The following CLEC18B variants were observed in gnomAD, a reference collection of about 807,000 sequenced individuals.
CLEC18B encodes the protein mannose receptor-like 2.
A neutral mutation model predicts 60.4 loss-of-function variants in CLEC18B; 5 were observed. The observed-to-expected ratio is 0.08, with a 90% confidence interval of 0.04 to 0.17. CLEC18B has a LOEUF of 0.17. Ranked by LOEUF, CLEC18B falls within the 10% of genes least tolerant of loss-of-function variation. The pLI is 1.00. For synonymous variants in CLEC18B, 16 were observed against 221.2 expected, an observed-to-expected ratio of 0.07 and a Z score of 8.23; for missense variants, 26 against 572.8, an observed-to-expected ratio of 0.05 and a Z score of 9.74.
At position 74,418,143 on chromosome 16, in the gene CLEC18B, G is replaced by T; in HGVS notation, c.372C>A (p.Val124=). 1 of 1,514,946 alleles carries T rather than the reference G, an allele frequency of 6.6e-7. No homozygotes were observed. Among genetic ancestry groups the T allele is most frequent in the South Asian group, 1.1e-5 (1 of 87,318 alleles). 93.8% of individuals were successfully genotyped at this position (1,514,946 alleles called of 1,614,324 possible). The change falls in exon 3 of 12, where the codon GTC becomes GTA. Residue 124 remains valine (V), a synonymous_variant. Transcript: ENST00000682950. ...GCTGCCCCTCTGCAAACCACAGGCT[G>T]ACCACTTCAACAAAGGACGCCAAGC... is the stretch of plus-strand genomic sequence containing the variant. ...PAGLASFVEV[V]SLWFAEGQRY...
chr16:74,421,412 A>G lies in CLEC18B; in HGVS notation c.-142T>C, dbSNP rs3851724. The G allele has an allele frequency of 6.0e-4, 956 of 1,583,942 alleles. 9 individuals carry two copies. In the African/African-American group the frequency reaches 0.012, roughly 20 times the overall value. On this transcript the variant is annotated 5_prime_UTR_variant, in exon 1 of 12. Coordinates refer to ENST00000682950, the MANE Select transcript of CLEC18B (RefSeq NM_001385193.1). ...AAAGAGGGGGGCTGGTGAACAAAAGAAGGAGGCTGGTGAGTGAGTAATCAG... is the reference window on the plus strand; with the variant it reads ...AAAGAGGGGGGCTGGTGAACAAAAGGAGGAGGCTGGTGAGTGAGTAATCAG...
At chr16:74,421,982 AG>A (rs2013706585), upstream of CLEC18B, 1 of 136,914 alleles carries the variant, frequency 7.3e-6, no homozygotes, top group Non-Finnish European at 1.6e-5. Context: ...GGCTGGGCCC[AG>A]CCCCGGTGCC....
chr16:74,422,610 C>A (rs1457489249), upstream of CLEC18B, among the ~76,000 whole-genome samples: 7 of 148,064 alleles, frequency 4.7e-5, no homozygotes, highest in Non-Finnish European at 1.0e-4. Context: ...AGAAACCCAG[C>A]ACCCTCAGGG....
intron 3 of CLEC18B, among the ~76,000 whole-genome samples, chr16:74,413,934 C>G (rs1302432208): frequency 6.6e-6 from 1 of 152,298 alleles, no homozygotes; most frequent in East Asian, 1.9e-4. Context: ...GTGCAATGGC[C>G]TGATCTTGGC....
At chr16:74,418,805 T>C (rs1322955853) in intron 2 of CLEC18B, among the ~76,000 whole-genome samples, 5 of 148,762 alleles carry the variant, frequency 3.4e-5, no homozygotes, top group African/African-American at 1.0e-4. Context: ...TCTTCTTTTT[T>C]TTTTTTGAGA....
intron 11 of CLEC18B, 29 bp from the exon 12 acceptor site, chr16:74,409,072 CGATGGCAGCCCAGGCAGTCCCAA>C: frequency 4.6e-6 from 7 of 1,514,290 alleles, no homozygotes; most frequent in African/African-American, 1.4e-5. Context: ...GAGCAGGGCT[CGATGGCAGCCCAGGCAGTCCCAA>C]GATGGCAGCC....
upstream of CLEC18B, chr16:74,422,420 G>A (rs2013720918): frequency 6.6e-6 from 1 of 151,794 alleles, no homozygotes; most frequent in African/African-American, 2.4e-5. Flanking sequence ...TTCCAACTCC[G>A]TGGAAGCTCT....
chr16:74,420,628 TG>T, intron 1 of CLEC18B, 36 bp from the exon 2 acceptor site: 2 of 717,054 alleles, frequency 2.8e-6, no homozygotes, highest in Non-Finnish European at 4.6e-6. Context: ...AGCCCGAGGA[TG>T]GGGGGACCTG....
At chr16:74,423,827 G>A (rs540476944), upstream of CLEC18B, among the ~76,000 whole-genome samples, 8 of 152,336 alleles carry the variant, frequency 5.3e-5, no homozygotes, top group African/African-American at 1.4e-4. Flanking sequence ...TGACCCTGAG[G>A]ATGGCACTCC....
chr16:74,413,100 A>G lies in CLEC18B; in HGVS notation c.613T>C (p.Ser205Pro). 1 of 1,612,104 alleles carries G rather than the reference A, an allele frequency of 6.2e-7. No homozygotes were observed. Among genetic ancestry groups the G allele is most frequent in the Non-Finnish European group, 8.5e-7 (1 of 1,179,864 alleles). The change falls in exon 5 of 12, where the codon TCG becomes CCG. Residue 205 changes from serine (S) to proline (P), a missense_variant. Coordinates refer to ENST00000682950, the MANE Select transcript of CLEC18B (RefSeq NM_001385193.1). ...IIPYKKGAWC[S>P]LCTASVSGCF... is the part of the protein sequence containing the mutation. ...CCTGAGACACTGGCTGTGCAGAGCG[A>G]ACACCAGGCACCCTTCTTATAGGGG...
upstream of CLEC18B, among the ~76,000 whole-genome samples, chr16:74,424,010 CAAGGCAGCT>C (rs1420842923): frequency 2.0e-5 from 3 of 152,248 alleles, no homozygotes; most frequent in Non-Finnish European, 2.9e-5. Flanking sequence ...CTCATTCTTG[CAAGGCAGCT>C]TTCCCCAGGT....
upstream of CLEC18B, among the ~76,000 whole-genome samples, chr16:74,423,570 T>G (rs1175254651): frequency 6.6e-6 from 1 of 152,222 alleles, no homozygotes. Context: ...GTGCCTGTAG[T>G]CCCAGCTACT....
chr16:74,424,180 A>AG (rs1361128343), upstream of CLEC18B, among the ~76,000 whole-genome samples: 3 of 150,276 alleles, frequency 2.0e-5, no homozygotes, highest in Non-Finnish European at 4.4e-5. Flanking sequence ...TGAAGGTTAT[A>AG]GCGTTCGAGT....
intron 2 of CLEC18B, among the ~76,000 whole-genome samples, chr16:74,418,671 C>T (rs1246235999): frequency 3.3e-5 from 5 of 152,298 alleles, no homozygotes; most frequent in South Asian, 4.1e-4. Context: ...TGCTCCCACC[C>T]GGCCATGCTG....
At chr16:74,422,828 AATT>A (rs1434814046), upstream of CLEC18B, among the ~76,000 whole-genome samples, 6 of 151,860 alleles carry the variant, frequency 4.0e-5, no homozygotes, top group Admixed American at 2.6e-4. Context: ...ATGCCTGGCT[AATT>A]ATTATTATTT....
intron 3 of CLEC18B, among the ~76,000 whole-genome samples, chr16:74,413,913 C>T (rs1229940359): frequency 6.6e-6 from 1 of 152,226 alleles, no homozygotes; most frequent in East Asian, 1.9e-4. Flanking sequence ...GCTCTTGTTG[C>T]CCAGGCTGGA....
chr16:74,421,009 G>A lies in CLEC18B; in HGVS notation c.124+138C>T, dbSNP rs965559875. On this transcript the variant is annotated intron_variant, in intron 1 of 11. Transcript: ENST00000682950. ...ATCCACCCCTCACCGCCCCCGGGCT[G>A]TCCCAGGGCTTCCTCATTAAACCAC... 13 of 1,279,050 alleles carry A rather than the reference G, an allele frequency of 1.0e-5. No individual in the cohort carries two copies. In the African/African-American group the frequency reaches 2.1e-4, roughly 21 times the overall value. The allele number at this position is 1,279,050 out of a possible 1,614,324, so 79.2% of individuals were successfully genotyped here. A position where few individuals can be genotyped will look rare whatever the true frequency, so the allele number is the denominator to read the frequency against.
At chr16:74,417,016 C>T (rs2013444533) in intron 3 of CLEC18B, among the ~76,000 whole-genome samples, 1 of 151,884 alleles carries the variant, frequency 6.6e-6, no homozygotes, top group Non-Finnish European at 1.5e-5. Context: ...GTAATCCCAG[C>T]ACTTTGGGAG....
Position 74,413,616 on chromosome 16 carries a change from T to A in CLEC18B, c.517A>T (p.Thr173Ser). The change falls in exon 4 of 12, where the codon ACA becomes TCA. Residue 173 changes from threonine to serine, a missense_variant. Physicochemically the swap from Thr to Ser is moderately conservative, Grantham distance 58 (BLOSUM62 1). Transcript: ENST00000682950. ...CGRHLCSAGQ[T>S]AIEAFVCAYS... ...GCACAGACAAAGGCTTCTATCGCTGTCTGGCCTGCAGAGCACAGGTGCCGC... is the reference window on the plus strand; with the variant it reads ...GCACAGACAAAGGCTTCTATCGCTGACTGGCCTGCAGAGCACAGGTGCCGC... The A allele has an allele frequency of 6.7e-7, 1 of 1,488,196 alleles. No individual in the cohort carries two copies. Among genetic ancestry groups the A allele is most frequent in the Non-Finnish European group, 9.1e-7 (1 of 1,092,932 alleles). The allele number at this position is 1,488,196 out of a possible 1,614,324, so 92.2% of individuals were successfully genotyped here.
Sources: allele counts gnomAD v4.1 joint callset (sites outside exome capture counted in the v4.1 genomes callset), GRCh38; gene constraint gnomAD v4.1.1; transcripts MANE v1.5; gene names NCBI Gene and HGNC (gene_info 2026-07-23, HGNC 2026-07-21).